HMCN1: variants seen among roughly 807,000 people sequenced by gnomAD.
The protein encoded by HMCN1 is hemicentin-1.
Under a neutral mutation model 625.9 loss-of-function variants are expected in HMCN1, and 321 were observed. That is an observed-to-expected ratio of 0.51 (90% CI 0.47 to 0.56). The LOEUF is 0.56. Among genes scored for constraint, HMCN1 ranks in the 20% least tolerant of loss-of-function variants. The pLI is 0.00. For synonymous variants in HMCN1, 2,425 were observed against 2,417.6 expected, an observed-to-expected ratio of 1.00 and a Z score of -0.09; for missense variants, 6,588 against 6,887.3, an observed-to-expected ratio of 0.96 and a Z score of 1.54.
intron 1 of HMCN1, among the ~76,000 whole-genome samples, chr1:185,747,104 A>G (rs376152221): frequency 1.3e-5 from 2 of 152,200 alleles, no homozygotes; most frequent in African/African-American, 2.4e-5. Flanking sequence ...AGCAATTAAC[A>G]TTAAAAAACC....
At chr1:185,892,531 A>T (rs915267358) in intron 4 of HMCN1, among the ~76,000 whole-genome samples, 5 of 152,048 alleles carry the variant, frequency 3.3e-5, no homozygotes, top group African/African-American at 1.2e-4. Context: ...CTTCTAACAG[A>T]CAGGACCCTC....
At chr1:185,905,682 G>T (rs1044781350) in intron 4 of HMCN1, among the ~76,000 whole-genome samples, 1 of 151,792 alleles carries the variant, frequency 6.6e-6, no homozygotes, top group Non-Finnish European at 1.5e-5. Flanking sequence ...TAAAACTATA[G>T]TTGTATCTTA....
At chr1:186,017,167 T>C in intron 33 of HMCN1, 96 bp downstream of exon 33, 1 of 750,792 alleles carries the variant, frequency 1.3e-6, no homozygotes, top group Non-Finnish European at 2.5e-6. Context: ...TAAAAAGGAT[T>C]GTATGAAATT....
chr1:185,991,212 A>G (rs1004714365), intron 22 of HMCN1, among the ~76,000 whole-genome samples: 6 of 152,238 alleles, frequency 3.9e-5, no homozygotes, highest in Non-Finnish European at 7.3e-5. Context: ...TTCTGTTAGA[A>G]TCATTGATAT....
chr1:185,933,286 T>C (rs544130517), intron 10 of HMCN1, among the ~76,000 whole-genome samples: 1 of 152,200 alleles, frequency 6.6e-6, no homozygotes, highest in Non-Finnish European at 1.5e-5. Context: ...TCTTTTGCCA[T>C]GGCTCTTTGA....
intron 26 of HMCN1, among the ~76,000 whole-genome samples, chr1:186,000,824 G>A (rs781462724): frequency 7.2e-5 from 11 of 151,830 alleles, no homozygotes; most frequent in Non-Finnish European, 1.5e-4. Flanking sequence ...AATGATGAGC[G>A]TGTAGGTTAT....
At chr1:186,092,690 C>T (rs1219627818) in intron 64 of HMCN1, among the ~76,000 whole-genome samples, 1 of 151,854 alleles carries the variant, frequency 6.6e-6, no homozygotes, top group Non-Finnish European at 1.5e-5. Context: ...ACATATGATA[C>T]CAAATTGTTG....
chr1:186,160,132 T>C (rs532781865), intron 97 of HMCN1, among the ~76,000 whole-genome samples: 188 of 151,858 alleles, frequency 1.2e-3, no homozygotes, highest in African/African-American at 4.4e-3. Context: ...TTCAACTTCT[T>C]CCTGGTTTAG....
At chr1:185,989,972 C>A (rs967231937) in intron 21 of HMCN1, among the ~76,000 whole-genome samples, 11 of 152,094 alleles carry the variant, frequency 7.2e-5, no homozygotes, top group Non-Finnish European at 1.5e-4. Flanking sequence ...AGCCAAACCT[C>A]AGCTATGTCT....
chr1:185,948,206 T>C (rs1245383862), intron 11 of HMCN1, among the ~76,000 whole-genome samples: 2 of 152,218 alleles, frequency 1.3e-5, no homozygotes, highest in African/African-American at 4.8e-5. Context: ...TAAATTCGAA[T>C]GTTCTTTCAG....
At chr1:185,954,991 G>C (rs1207525314) in intron 11 of HMCN1, among the ~76,000 whole-genome samples, 2 of 152,064 alleles carry the variant, frequency 1.3e-5, no homozygotes, top group Non-Finnish European at 2.9e-5. Context: ...TATCCCCCAG[G>C]TAATAGTATT....
At chr1:185,805,114 G>A (rs183498233) in intron 1 of HMCN1, among the ~76,000 whole-genome samples, 3 of 152,078 alleles carry the variant, frequency 2.0e-5, no homozygotes, top group Admixed American at 2.0e-4. Flanking sequence ...TCCTTACATT[G>A]ATGGCAGTCT....
In HMCN1 at chr1:186,019,546, C is replaced by G. The variant is rs1175760523; in HGVS notation, c.5476C>G (p.Pro1826Ala). ...TCCCCCTTCCTTAAATATAGTTCCT[C>G]CAACAATCAAGTCCTCAGGCCTTTC... ...KEFEVTVHVPPTIKSSGLSER... is the reference protein window; with the variant it reads ...KEFEVTVHVPATIKSSGLSER... Residue 1826 changes from proline (P) to alanine (A), a missense_variant, in exon 35 of 107, where the codon CCA (proline) becomes GCA (alanine). Around this residue, in one of 3 missense-constraint regions of HMCN1, gnomAD observed 4,628 missense variants for 4,853.1 expected, o/e 0.95. Transcript: ENST00000271588. 4 of 1,608,816 alleles carry G rather than the reference C, an allele frequency of 2.5e-6. No individual in the cohort carries two copies. In the Admixed American group the frequency reaches 5.0e-5, roughly 20 times the overall value.
intron 1 of HMCN1, among the ~76,000 whole-genome samples, chr1:185,789,732 C>G (rs1557970721): frequency 6.6e-6 from 1 of 152,176 alleles, no homozygotes; most frequent in African/African-American, 2.4e-5. Context: ...TTGTGATGAT[C>G]TTTCTAGTGC....
At chr1:186,072,954 G>C (rs1052486382) in intron 52 of HMCN1, among the ~76,000 whole-genome samples, 6 of 152,186 alleles carry the variant, frequency 3.9e-5, no homozygotes, top group Non-Finnish European at 7.4e-5. Flanking sequence ...GGAGAATAAA[G>C]AAAAGGTCCA....
At chr1:185,847,670 C>T (rs1661907851) in intron 2 of HMCN1, among the ~76,000 whole-genome samples, 2 of 152,264 alleles carry the variant, frequency 1.3e-5, no homozygotes, top group African/African-American at 4.8e-5. Context: ...CCTATTGAGG[C>T]TGGGCACAGT....
chr1:185,806,355 G>C (rs1388410722), intron 1 of HMCN1, among the ~76,000 whole-genome samples: 1 of 151,846 alleles, frequency 6.6e-6, no homozygotes, highest in East Asian at 1.9e-4. Flanking sequence ...GATTTACTTT[G>C]TATGTTTATG....
chr1:186,171,179 T>C (rs1652208492), intron 100 of HMCN1, among the ~76,000 whole-genome samples, 158 bp from the exon 101 acceptor site: 1 of 152,230 alleles, frequency 6.6e-6, no homozygotes, highest in Admixed American at 6.5e-5. Flanking sequence ...CAATTAATTC[T>C]ATCAAGTATT....
chr1:185,781,217 C>T (rs367626182), intron 1 of HMCN1, among the ~76,000 whole-genome samples: 19 of 152,046 alleles, frequency 1.2e-4, no homozygotes, highest in African/African-American at 4.3e-4. Flanking sequence ...TTTTTTATTG[C>T]ATCTATTTGA....
Sources: gnomAD v4.1 joint callset for allele counts (sites outside exome capture counted in the v4.1 genomes callset) on GRCh38, gnomAD v4.1.1 for gene constraint, gnomAD v4.1.1 regional missense constraint, MANE v1.5 for transcripts, NCBI Gene and HGNC (gene_info 2026-07-23, HGNC 2026-07-21) for gene names.